DIP2C: variants seen among roughly 807,000 people sequenced by gnomAD.
DIP2C encodes DIP2 acetate--CoA ligase C (putative).
In DIP2C, 33 loss-of-function variants were observed where a neutral mutation model predicts 192.4. The ratio of observed to expected loss-of-function variants is 0.17; its 90% CI spans 0.13 to 0.23. The LOEUF (loss-of-function observed/expected upper bound fraction) is 0.23, where lower values mean the gene tolerates loss of function less well. Among genes scored for constraint, DIP2C ranks in the 10% least tolerant of loss-of-function variants. DIP2C has a pLI of 1.00. For missense variants in DIP2C, 1,537 were observed against 2,110.1 expected (o/e 0.73, Z 5.32); for synonymous variants, 979 against 864.1 (o/e 1.13, Z -2.33).
At chr10:463,747 A>T (rs1413214129) in intron 3 of DIP2C, among the ~76,000 whole-genome samples, 2 of 152,168 alleles carry the variant, frequency 1.3e-5, no homozygotes, top group East Asian at 3.9e-4. Context: ...CAAACTATAG[A>T]CAAGGCTACA....
chr10:364,971 A>C (rs1442830658), intron 19 of DIP2C: 1 of 534,184 alleles, frequency 1.9e-6, no homozygotes, highest in South Asian at 1.5e-5. Context: ...GTTAGTTTTA[A>C]AGTAATCTCT....
intron 1 of DIP2C, among the ~76,000 whole-genome samples, chr10:627,812 C>T (rs903571620): frequency 3.3e-5 from 5 of 152,202 alleles, no homozygotes; most frequent in South Asian, 2.1e-4. Context: ...CAGGACTTCA[C>T]GAGAGGCACC....
chr10:360,190 C>A (rs1244141538), intron 22 of DIP2C, among the ~76,000 whole-genome samples: 2 of 152,152 alleles, frequency 1.3e-5, no homozygotes, highest in Non-Finnish European at 2.9e-5. Context: ...ACCTTGAATG[C>A]CTCCCCATGC....
intron 1 of DIP2C, among the ~76,000 whole-genome samples, chr10:551,338 G>A (rs1848575350): frequency 1.3e-5 from 2 of 152,190 alleles, no homozygotes; most frequent in South Asian, 4.1e-4. Context: ...CAAGGGGCAG[G>A]CATGCCAGGG....
chr10:472,802 A>C (rs1588215358), intron 2 of DIP2C, among the ~76,000 whole-genome samples: 2 of 152,290 alleles, frequency 1.3e-5, no homozygotes, highest in East Asian at 3.9e-4. Flanking sequence ...ACAGGCAGGG[A>C]GAGACACAAA....
intron 7 of DIP2C, 96 bp downstream of exon 7, chr10:415,673 C>T (rs1965581224): frequency 2.0e-6 from 3 of 1,520,590 alleles, no homozygotes; most frequent in Admixed American, 1.8e-5. Flanking sequence ...ACGATTACTG[C>T]TCTTAAAAAG....
chr10:533,461 A>G (rs1588407807), intron 1 of DIP2C, among the ~76,000 whole-genome samples: 1 of 152,228 alleles, frequency 6.6e-6, no homozygotes, highest in East Asian at 1.9e-4. Flanking sequence ...AAGGTGCTCA[A>G]ATCCTTCCAA....
At chr10:518,665 A>AC (rs1437573371) in intron 1 of DIP2C, among the ~76,000 whole-genome samples, 1 of 152,076 alleles carries the variant, frequency 6.6e-6, no homozygotes, top group Non-Finnish European at 1.5e-5. Context: ...GCCACCTTCC[A>AC]CCCTCCAGAA....
At chr10:355,564 G>A (rs1166206836) in intron 24 of DIP2C, among the ~76,000 whole-genome samples, 1 of 152,080 alleles carries the variant, frequency 6.6e-6, no homozygotes, top group Non-Finnish European at 1.5e-5. Context: ...TTATTTCCAT[G>A]GTAAAAAGTA....
chr10:567,457 G>A (rs1301169686), intron 1 of DIP2C, among the ~76,000 whole-genome samples: 1 of 151,784 alleles, frequency 6.6e-6, no homozygotes, highest in Non-Finnish European at 1.5e-5. Flanking sequence ...CCCAAAGACA[G>A]GCATCTGTTT....
At chr10:361,621 G>A (rs1395082976) in intron 22 of DIP2C, among the ~76,000 whole-genome samples, 1 of 152,150 alleles carries the variant, frequency 6.6e-6, no homozygotes, top group Admixed American at 6.5e-5. Context: ...TCAAACAGTG[G>A]GGAGAGAGGA....
chr10:547,667 G>A (rs1848355082), intron 1 of DIP2C, among the ~76,000 whole-genome samples: 1 of 152,212 alleles, frequency 6.6e-6, no homozygotes, highest in South Asian at 2.1e-4. Context: ...AAGATAGGCA[G>A]AGGCATGACT....
rs75003265 is a variant in DIP2C at position 346,877 on chromosome 10, A to G, written c.3231+1764T>C. On this transcript the variant is annotated intron_variant, in intron 26 of 36. Coordinates refer to ENST00000280886, the MANE Select transcript of DIP2C (RefSeq NM_014974.3). ...AACGTCACACGCACCCAGACACATC[A>G]CGCGTAGTTCTCCCGGAAACGTCAC... 0.024 allele frequency among the ~76,000 whole-genome samples: 22 copies of G among 900 alleles called. 11 individuals are homozygous for G. In the Non-Finnish European group the frequency reaches 0.64, roughly 26 times the overall value. 0.6% of individuals were successfully genotyped at this position (900 alleles called of 152,430 possible).
chr10:379,204 C>A (rs1181070923), intron 17 of DIP2C, among the ~76,000 whole-genome samples: 4 of 27,792 alleles, frequency 1.4e-4, no homozygotes, highest in African/African-American at 2.9e-4. Flanking sequence ...CCCCCCCCCC[C>A]ACAACCCCTG....
intron 4 of DIP2C, among the ~76,000 whole-genome samples, chr10:434,917 C>T (rs549282388): frequency 7.9e-5 from 12 of 152,138 alleles, no homozygotes; most frequent in African/African-American, 2.2e-4. Flanking sequence ...TTTGATTCGC[C>T]GTAGTTTGAA....
intron 1 of DIP2C, among the ~76,000 whole-genome samples, chr10:659,063 A>G (rs1440196649): frequency 6.6e-6 from 1 of 152,218 alleles, no homozygotes; most frequent in Non-Finnish European, 1.5e-5. Flanking sequence ...TGTAACACAT[A>G]CATGCACATA....
intron 1 of DIP2C, among the ~76,000 whole-genome samples, chr10:678,446 G>C (rs149178005): frequency 6.6e-6 from 1 of 151,572 alleles, no homozygotes; most frequent in Non-Finnish European, 1.5e-5. Context: ...GCATCTGTCA[G>C]AGCAGAGGAA....
At chr10:555,508 C>T (rs1430854762) in intron 1 of DIP2C, among the ~76,000 whole-genome samples, 1 of 152,212 alleles carries the variant, frequency 6.6e-6, no homozygotes, top group African/African-American at 2.4e-5. Flanking sequence ...ATGCGGGTAT[C>T]TCTGTGGCTG....
At chr10:654,167 C>T (rs1010860824) in intron 1 of DIP2C, among the ~76,000 whole-genome samples, 14 of 152,208 alleles carry the variant, frequency 9.2e-5, no homozygotes, top group African/African-American at 2.7e-4. Context: ...GTGCATTTCT[C>T]CTTATCAGAC....
Sources: gnomAD v4.1 joint callset for allele counts (sites outside exome capture counted in the v4.1 genomes callset) on GRCh38, gnomAD v4.1.1 for gene constraint, MANE v1.5 for transcripts, NCBI Gene and HGNC (gene_info 2026-07-23, HGNC 2026-07-21) for gene names.